ADAM9: variants seen among roughly 807,000 people sequenced by gnomAD.
The protein encoded by ADAM9 is ADAM metallopeptidase domain 9.
In ADAM9, 54 loss-of-function variants were observed where a neutral mutation model predicts 108.1. The ratio of observed to expected loss-of-function variants is 0.50; its 90% CI spans 0.40 to 0.63. ADAM9 has a LOEUF of 0.63. Ranked by LOEUF, ADAM9 falls within the 20% of genes least tolerant of loss-of-function variation. ADAM9 has a pLI of 0.00. For synonymous variants in ADAM9, 316 were observed against 336.0 expected (o/e 0.94, Z 0.65); for missense variants, 830 against 997.7 (o/e 0.83, Z 2.26).
chr8:39,061,022 A>G (rs1479964184), intron 14 of ADAM9, among the ~76,000 whole-genome samples: 1 of 152,256 alleles, frequency 6.6e-6, no homozygotes, highest in Non-Finnish European at 1.5e-5. Flanking sequence ...CTAAGCTTAT[A>G]ATAATCCACT....
intron 14 of ADAM9, among the ~76,000 whole-genome samples, chr8:39,065,733 G>T (rs574327842): frequency 1.8e-4 from 27 of 149,290 alleles, no homozygotes; most frequent in Non-Finnish European, 3.3e-4. Context: ...ATGTTTGTCA[G>T]TATGTTAATG....
chr8:39,083,258 T>G (rs1444098063), intron 18 of ADAM9, among the ~76,000 whole-genome samples, 185 bp downstream of exon 18: 7 of 152,218 alleles, frequency 4.6e-5, no homozygotes, highest in Non-Finnish European at 1.5e-5. Flanking sequence ...ATTTCTTGCC[T>G]GGACATACAT....
chr8:39,018,111 T>C (rs952551922), intron 6 of ADAM9, among the ~76,000 whole-genome samples: 3 of 152,214 alleles, frequency 2.0e-5, no homozygotes, highest in African/African-American at 7.2e-5. Context: ...TGGGTGTCTC[T>C]TAGACTGAAA....
At chr8:39,059,955 G>T (rs1236901572) in intron 14 of ADAM9, among the ~76,000 whole-genome samples, 1 of 152,182 alleles carries the variant, frequency 6.6e-6, no homozygotes. Flanking sequence ...TATGTAACTT[G>T]TGCCTTCCAG....
intron 20 of ADAM9, among the ~76,000 whole-genome samples, 168 bp downstream of exon 20, chr8:39,091,514 GC>G (rs55750326): frequency 0.063 from 9,575 of 152,232 alleles, 400 homozygotes; most frequent in South Asian, 0.14. Context: ...TCGAGACAGA[GC>G]CTTGCTCTGT....
intron 20 of ADAM9, among the ~76,000 whole-genome samples, chr8:39,097,645 ACAAT>A (rs1033126512): frequency 6.6e-6 from 1 of 152,070 alleles, no homozygotes; most frequent in African/African-American, 2.4e-5. Context: ...AAAAAATTCT[ACAAT>A]ATAGATATGA....
intron 14 of ADAM9, among the ~76,000 whole-genome samples, chr8:39,057,328 A>G (rs1181437439): frequency 6.7e-6 from 1 of 149,232 alleles, no homozygotes; most frequent in Non-Finnish European, 1.5e-5. Context: ...TATTACGTGA[A>G]TCTAATATTT....
At chr8:39,010,920 C>G (rs1836334558) in intron 2 of ADAM9, among the ~76,000 whole-genome samples, 1 of 151,914 alleles carries the variant, frequency 6.6e-6, no homozygotes, top group Non-Finnish European at 1.5e-5. Context: ...TGGTGAAACC[C>G]CGTCTCTACT....
At chr8:39,060,321 A>T (rs895262334) in intron 14 of ADAM9, among the ~76,000 whole-genome samples, 2 of 152,192 alleles carry the variant, frequency 1.3e-5, no homozygotes, top group Non-Finnish European at 2.9e-5. Flanking sequence ...GATCTGCTTG[A>T]TCAAGTGGGC....
At chr8:39,019,818 T>C (rs1417572832) in intron 7 of ADAM9, among the ~76,000 whole-genome samples, 1 of 152,190 alleles carries the variant, frequency 6.6e-6, no homozygotes, top group African/African-American at 2.4e-5. Context: ...AAATAACTAA[T>C]TTGGAGAAAA....
intron 1 of ADAM9, among the ~76,000 whole-genome samples, chr8:39,003,533 G>A (rs1836069865): frequency 6.7e-6 from 1 of 150,116 alleles, no homozygotes; most frequent in Non-Finnish European, 1.5e-5. Context: ...ATCTATGCAG[G>A]ATATGAACAG....
intron 5 of ADAM9, among the ~76,000 whole-genome samples, chr8:39,016,867 A>G (rs1320102466): frequency 6.6e-6 from 1 of 152,224 alleles, no homozygotes; most frequent in Non-Finnish European, 1.5e-5. Context: ...GGCAGAGGTT[A>G]AATACCTCGC....
At chr8:39,009,966 C>CCCT (rs1836300750) in intron 2 of ADAM9, among the ~76,000 whole-genome samples, 1 of 84,940 alleles carries the variant, frequency 1.2e-5, no homozygotes. Context: ...AAAAACAAAC[C>CCCT]CCCCCCCCCA....
intron 20 of ADAM9, among the ~76,000 whole-genome samples, chr8:39,093,039 A>T (rs1839400778): frequency 6.6e-6 from 1 of 152,146 alleles, no homozygotes; most frequent in Admixed American, 6.6e-5. Flanking sequence ...TGGTAATGTG[A>T]TGCTTCTAGC....
rs550584153 is a variant in ADAM9, at chr8:39,018,332, C to G, written c.607-521C>G. On this transcript the variant is annotated intron_variant, in intron 6 of 21. Transcript: ENST00000487273. ...AACATTAAAATTTTTGCTTATTCTACTTCGCATGAATTTCTGTAAAATGAC... is the reference window on the plus strand; with the variant it reads ...AACATTAAAATTTTTGCTTATTCTAGTTCGCATGAATTTCTGTAAAATGAC... Among the ~76,000 whole-genome samples the G allele has an allele frequency of 3.6e-4, 55 of 152,338 alleles. 1 individual carries two copies. The South Asian group carries it at 0.011, about 30-fold the overall frequency.
chr8:39,089,990 A>C (rs1173052871), intron 18 of ADAM9, 57 bp from the exon 19 acceptor site: 1 of 1,507,294 alleles, frequency 6.6e-7, no homozygotes, highest in African/African-American at 1.4e-5. Flanking sequence ...ATAATCATCT[A>C]GTATTTTCTG....
chr8:39,007,588 G>A (rs960298001), intron 1 of ADAM9, among the ~76,000 whole-genome samples: 1 of 152,138 alleles, frequency 6.6e-6, no homozygotes, highest in Non-Finnish European at 1.5e-5. Flanking sequence ...TGAGAAAAAA[G>A]GGTTAGGGTT....
chr8:39,014,027 A>T lies in ADAM9; in HGVS notation c.317A>T (p.Asp106Val). Reference protein sequence around the residue: ...TYNKEGTLITDHPNIQNHCHY... With the variant: ...TYNKEGTLITVHPNIQNHCHY... Reference sequence around the variant, plus strand: ...AACAAGGAAGGGACTTTAATCACTGACCATCCCAATATACAGGTAATGTAT... The same window carrying T: ...AACAAGGAAGGGACTTTAATCACTGTCCATCCCAATATACAGGTAATGTAT... The change falls in exon 4 of 22, where the codon GAC becomes GTC. Residue 106 changes from aspartate (D) to valine (V), a missense_variant. Around this residue, in one of 3 missense-constraint regions of ADAM9, gnomAD observed 211 missense variants for 222.2 expected, o/e 0.95. Transcript: ENST00000487273. 2 of 1,613,148 alleles carry T rather than the reference A, an allele frequency of 1.2e-6. No homozygotes were observed. Among genetic ancestry groups the T allele is most frequent in the Non-Finnish European group, 1.7e-6 (2 of 1,179,190 alleles).
At chr8:39,002,514 G>C (rs1161905835) in intron 1 of ADAM9, among the ~76,000 whole-genome samples, 3 of 151,546 alleles carry the variant, frequency 2.0e-5, no homozygotes, top group Non-Finnish European at 4.4e-5. Flanking sequence ...GTAAAGACGG[G>C]GTTTCACCAT....
Sources: gnomAD v4.1 joint callset for allele counts (sites outside exome capture counted in the v4.1 genomes callset) on GRCh38, gnomAD v4.1.1 for gene constraint, gnomAD v4.1.1 regional missense constraint, MANE v1.5 for transcripts, NCBI Gene and HGNC (gene_info 2026-07-23, HGNC 2026-07-21) for gene names.